FCHSD2: variants seen among roughly 807,000 people sequenced by gnomAD.
FCHSD2 encodes the protein FCH and double SH3 domains 2.
In FCHSD2, 38 loss-of-function variants were observed where a neutral mutation model predicts 108.1. The ratio of observed to expected loss-of-function variants is 0.35; its 90% CI spans 0.27 to 0.46. The LOEUF (loss-of-function observed/expected upper bound fraction) is 0.46, where lower values mean the gene tolerates loss of function less well. Among genes scored for constraint, FCHSD2 ranks in the 20% least tolerant of loss-of-function variants. The pLI, the probability that FCHSD2 is intolerant of heterozygous loss-of-function variation, is 1.00. For missense variants in FCHSD2, 751 were observed against 897.8 expected (o/e 0.84, Z 2.09); for synonymous variants, 279 against 314.7 (o/e 0.89, Z 1.20).
Position 73,041,776 on chromosome 11 carries a change from G to C in FCHSD2, c.166-25891C>G, listed in dbSNP as rs149989276. On this transcript the variant is annotated intron_variant, in intron 3 of 19. Transcript: ENST00000409418. ...GTCCTATTTTTCAATTTTGTGTTTTGGTTTGTTCACAGTTTTGTGTTTGGT... is the reference window on the plus strand; with the variant it reads ...GTCCTATTTTTCAATTTTGTGTTTTCGTTTGTTCACAGTTTTGTGTTTGGT... 7.9e-3 allele frequency among the ~76,000 whole-genome samples: 1,206 copies of C among 151,932 alleles called. 21 individuals are homozygous for C. The highest frequency in any genetic ancestry group is 0.027 in the African/African-American group (1,130 of 41,384).
chr11:72,971,212 T>C (rs1202839861), intron 8 of FCHSD2, among the ~76,000 whole-genome samples: 2 of 152,096 alleles, frequency 1.3e-5, no homozygotes, highest in African/African-American at 4.8e-5. Flanking sequence ...TATATATTAA[T>C]AAAAAGAACT....
intron 8 of FCHSD2, among the ~76,000 whole-genome samples, chr11:72,943,068 T>A (rs1358115315): frequency 6.6e-6 from 1 of 152,218 alleles, no homozygotes; most frequent in East Asian, 1.9e-4. Flanking sequence ...CTTGGCTCAC[T>A]ACAACCTCCG....
intron 3 of FCHSD2, among the ~76,000 whole-genome samples, chr11:73,053,585 TGAG>T (rs1423582980): frequency 2.0e-5 from 3 of 152,226 alleles, no homozygotes; most frequent in African/African-American, 7.2e-5. Flanking sequence ...TTATCTCTTG[TGAG>T]TAGTACTGTC....
intron 11 of FCHSD2, among the ~76,000 whole-genome samples, chr11:72,889,179 T>C (rs912570627): frequency 1.3e-4 from 20 of 148,814 alleles, no homozygotes; most frequent in Admixed American, 4.0e-4. Flanking sequence ...GCCAGGATGG[T>C]CTCGATCTCC....
intron 8 of FCHSD2, among the ~76,000 whole-genome samples, chr11:72,951,240 G>C (rs1431459270): frequency 1.3e-5 from 2 of 152,172 alleles, no homozygotes; most frequent in Non-Finnish European, 2.9e-5. Flanking sequence ...TACAGGATTA[G>C]TATCTGGTGT....
chr11:72,989,562 T>A (rs1192530389), intron 5 of FCHSD2, among the ~76,000 whole-genome samples: 3 of 152,234 alleles, frequency 2.0e-5, no homozygotes, highest in Non-Finnish European at 4.4e-5. Context: ...CTGAGTAGTC[T>A]GACTTGGTAA....
In FCHSD2 at chr11:72,887,483, A is replaced by G. The variant is rs1303719342; in HGVS notation, c.1133T>C (p.Ile378Thr). 8.1e-6 allele frequency: 13 copies of G among 1,604,826 alleles called. No individual in the cohort carries two copies. The highest frequency in any genetic ancestry group is 1.1e-5 in the Non-Finnish European group (13 of 1,176,000). Residue 378 changes from isoleucine (I) to threonine (T), a missense_variant, in exon 12 of 20, where the codon ATT becomes ACT. Transcript: ENST00000409418. ...EQKIDEAREN[I>T]RKAEIIKLKA... is the part of the protein sequence containing the mutation. Reference sequence around the variant, plus strand: ...CTGCCACCTTACCTCTGCTTTACGAATATTTTCTCTAGCTTCATCTATTTT... The same window carrying G: ...CTGCCACCTTACCTCTGCTTTACGAGTATTTTCTCTAGCTTCATCTATTTT...
intron 3 of FCHSD2, among the ~76,000 whole-genome samples, chr11:73,019,985 C>T (rs1371202042): frequency 6.6e-6 from 1 of 152,136 alleles, no homozygotes; most frequent in Non-Finnish European, 1.5e-5. Context: ...GTCCACTAAA[C>T]ATAATATTTA....
chr11:72,849,972 G>T, intron 13 of FCHSD2, 83 bp from the exon 14 acceptor site: 14 of 1,009,914 alleles, frequency 1.4e-5, no homozygotes, highest in South Asian at 4.8e-5. Flanking sequence ...AAACCTGATT[G>T]TTTCAAAATG....
intron 12 of FCHSD2, among the ~76,000 whole-genome samples, chr11:72,887,128 G>T (rs570330823): frequency 6.0e-5 from 9 of 148,984 alleles, no homozygotes; most frequent in South Asian, 4.3e-4. Flanking sequence ...TATATAAGGA[G>T]ATATATATAT....
intron 9 of FCHSD2, among the ~76,000 whole-genome samples, chr11:72,915,208 C>A (rs1014627480): frequency 4.0e-5 from 6 of 151,718 alleles, no homozygotes; most frequent in Admixed American, 2.6e-4. Context: ...CCATCTCACA[C>A]CAATAAGAAT....
intron 12 of FCHSD2, among the ~76,000 whole-genome samples, chr11:72,876,683 T>C (rs1854977290): frequency 6.6e-6 from 1 of 152,184 alleles, no homozygotes; most frequent in Admixed American, 6.5e-5. Context: ...TTAGGTAAAG[T>C]TGGTTAATGA....
chr11:72,889,793 A>T, intron 11 of FCHSD2, 36 bp downstream of exon 11: 1 of 1,168,454 alleles, frequency 8.6e-7, no homozygotes, highest in Non-Finnish European at 1.3e-6. Flanking sequence ...CATTTGGCTT[A>T]AGGTGAATGT....
intron 2 of FCHSD2, among the ~76,000 whole-genome samples, chr11:73,106,524 G>A (rs1226402747): frequency 6.6e-6 from 1 of 151,882 alleles, no homozygotes; most frequent in Non-Finnish European, 1.5e-5. Flanking sequence ...GGAAGTGAAA[G>A]AATCCCTGCA....
intron 8 of FCHSD2, among the ~76,000 whole-genome samples, chr11:72,949,476 A>G (rs187886663): frequency 6.6e-6 from 1 of 152,144 alleles, no homozygotes; most frequent in African/African-American, 2.4e-5. Context: ...AAGAAAAGAA[A>G]GGAAAGAAAA....
chr11:73,105,162 A>C (rs1366239740), intron 2 of FCHSD2, among the ~76,000 whole-genome samples: 2 of 152,198 alleles, frequency 1.3e-5, no homozygotes, highest in East Asian at 3.8e-4. Flanking sequence ...AGACACACAT[A>C]AAATTGCTAC....
At chr11:72,865,373 T>C (rs1051668724) in intron 13 of FCHSD2, among the ~76,000 whole-genome samples, 3 of 152,218 alleles carry the variant, frequency 2.0e-5, no homozygotes, top group African/African-American at 7.2e-5. Context: ...TTATTAGATC[T>C]TCCACAAAAT....
intron 8 of FCHSD2, chr11:72,983,731 A>G: frequency 2.5e-6 from 1 of 407,128 alleles, no homozygotes; most frequent in Non-Finnish European, 4.8e-6. Flanking sequence ...TATTGAAACC[A>G]TGACATGAGT....
intron 4 of FCHSD2, among the ~76,000 whole-genome samples, chr11:73,005,924 A>T (rs1168732214): frequency 1.3e-4 from 18 of 135,724 alleles, no homozygotes; most frequent in South Asian, 2.3e-4. Context: ...TTTTTTTTTT[A>T]AAGAGGCAGG....
Sources: gnomAD v4.1 joint callset for allele counts (sites outside exome capture counted in the v4.1 genomes callset) on GRCh38, gnomAD v4.1.1 for gene constraint, MANE v1.5 for transcripts, NCBI Gene and HGNC (gene_info 2026-07-23, HGNC 2026-07-21) for gene names.